The following PTK2 variants were observed in gnomAD, a reference collection of about 807,000 sequenced individuals.
The protein encoded by PTK2 is protein tyrosine kinase 2.
PTK2 carries 45 observed loss-of-function variants against 150.1 expected under a neutral mutation model. The ratio of observed to expected loss-of-function variants is 0.30; its 90% CI spans 0.24 to 0.38. PTK2 has a LOEUF of 0.38. Among genes scored for constraint, PTK2 ranks in the 10% least tolerant of loss-of-function variants. The pLI is 1.00. For synonymous variants in PTK2, 432 were observed against 449.2 expected (o/e 0.96, Z 0.48); for missense variants, 919 against 1,307.3 (o/e 0.70, Z 4.58).
At chr8:140,777,465 ATGAT>A (rs747064818) in intron 14 of PTK2, among the ~76,000 whole-genome samples, 9 of 152,256 alleles carry the variant, frequency 5.9e-5, no homozygotes, top group Non-Finnish European at 1.3e-4. Context: ...GATCTGCCTC[ATGAT>A]TCAAGCACCA....
chr8:140,806,081 C>G (rs2100098018), intron 10 of PTK2, among the ~76,000 whole-genome samples: 1 of 152,092 alleles, frequency 6.6e-6, no homozygotes, highest in South Asian at 2.1e-4. Context: ...ATGGGTAATT[C>G]CTGCACAATA....
At chr8:140,879,897 C>T (rs770938508) in intron 3 of PTK2, among the ~76,000 whole-genome samples, 12 of 151,976 alleles carry the variant, frequency 7.9e-5, no homozygotes, top group Non-Finnish European at 1.6e-4. Flanking sequence ...TAAAGAGATT[C>T]TCTCCTTTCT....
At position 140,920,723 on chromosome 8, in the gene PTK2, T is replaced by C. The variant is rs1568923700; in HGVS notation, c.-33+4938A>G. ...TTCCTTAAATTTAACTGTAAATATA[T>C]TGAAATAAATTCTGAAAAACATTTA... is the stretch of plus-strand genomic sequence containing the variant. On this transcript the variant is annotated intron_variant, in intron 2 of 31. Transcript: ENST00000522684. 13 of 1,196,450 alleles carry C rather than the reference T, an allele frequency of 1.1e-5. No individual in the cohort carries two copies. In the South Asian group the frequency reaches 2.1e-4, roughly 19 times the overall value. 74.1% of individuals were successfully genotyped at this position (1,196,450 alleles called of 1,614,324 possible). A position where few individuals can be genotyped will look rare whatever the true frequency, so the allele number is the denominator to read the frequency against.
chr8:140,777,746 G>A (rs1380935226), intron 14 of PTK2, among the ~76,000 whole-genome samples: 1 of 152,086 alleles, frequency 6.6e-6, no homozygotes, highest in Non-Finnish European at 1.5e-5. Flanking sequence ...CCTTCAAATG[G>A]GCTTATGCCA....
intron 1 of PTK2, among the ~76,000 whole-genome samples, chr8:140,937,943 C>T (rs1258773570): frequency 6.6e-6 from 1 of 152,122 alleles, no homozygotes; most frequent in Admixed American, 6.5e-5. Flanking sequence ...ACAAAAAGAA[C>T]ATGACCAAAA....
At chr8:140,845,349 A>G (rs2100124748) in intron 7 of PTK2, among the ~76,000 whole-genome samples, 1 of 151,800 alleles carries the variant, frequency 6.6e-6, no homozygotes, top group African/African-American at 2.4e-5. Context: ...TCTACCCCCA[A>G]CCAACTCAGT....
At chr8:140,882,187 T>G (rs1440411013) in intron 3 of PTK2, among the ~76,000 whole-genome samples, 1 of 152,204 alleles carries the variant, frequency 6.6e-6, no homozygotes. Flanking sequence ...TGCTTAAATA[T>G]GTGGTGCTAA....
intron 22 of PTK2, among the ~76,000 whole-genome samples, chr8:140,732,324 C>A (rs193003692): frequency 6.6e-6 from 1 of 152,306 alleles, no homozygotes; most frequent in African/African-American, 2.4e-5. Flanking sequence ...GAATGCTCAA[C>A]TACCTGTGCT....
intron 31 of PTK2, among the ~76,000 whole-genome samples, chr8:140,662,233 G>C (rs1023014189): frequency 6.6e-6 from 1 of 151,828 alleles, no homozygotes; most frequent in Admixed American, 6.6e-5. Flanking sequence ...GGAGTTGGAG[G>C]TTATAGTGAG....
intron 2 of PTK2, among the ~76,000 whole-genome samples, chr8:140,897,039 C>A (rs2100156587): frequency 6.6e-6 from 1 of 152,166 alleles, no homozygotes; most frequent in Non-Finnish European, 1.5e-5. Flanking sequence ...CAACTAAATT[C>A]ATAGTATCAA....
chr8:140,985,039 C>T (rs1484328012), intron 1 of PTK2, among the ~76,000 whole-genome samples: 1 of 152,236 alleles, frequency 6.6e-6, no homozygotes, highest in East Asian at 1.9e-4. Context: ...CCCAACACAA[C>T]TGTAATAACA....
chr8:140,956,118 C>A (rs1029049524), intron 1 of PTK2, among the ~76,000 whole-genome samples: 1 of 152,200 alleles, frequency 6.6e-6, no homozygotes, highest in Non-Finnish European at 1.5e-5. Context: ...GAACCTGATA[C>A]GTCTAAGAAG....
chr8:140,861,604 T>C (rs1241067242), intron 5 of PTK2, among the ~76,000 whole-genome samples: 1 of 152,196 alleles, frequency 6.6e-6, no homozygotes, highest in Non-Finnish European at 1.5e-5. Flanking sequence ...TGTTACTGTC[T>C]ACAGACTGAA....
chr8:140,820,068 T>C (rs2100107230), intron 8 of PTK2, among the ~76,000 whole-genome samples: 1 of 141,404 alleles, frequency 7.1e-6, no homozygotes, highest in Non-Finnish European at 1.5e-5. Flanking sequence ...TGACTTTATC[T>C]GACTTTGGTT....
At chr8:140,732,736 G>C (rs2100050290) in intron 22 of PTK2, 1 of 332,016 alleles carries the variant, frequency 3.0e-6, no homozygotes, top group Non-Finnish European at 6.1e-6. Flanking sequence ...GAACTGAATT[G>C]AACACGGGTT....
At chr8:140,717,556 T>C (rs1283554084) in intron 23 of PTK2, 42 bp downstream of exon 26, 2 of 1,467,240 alleles carry the variant, frequency 1.4e-6, no homozygotes, top group Non-Finnish European at 1.9e-6. Context: ...TCTTGAAAGT[T>C]AGTAAGAGTA....
At position 140,946,867 on chromosome 8, in the gene PTK2, T is replaced by C. The variant is rs370566331; in HGVS notation, c.-121-21118A>G. 2.0e-5 allele frequency among the ~76,000 whole-genome samples: 3 copies of C among 152,306 alleles called. No homozygotes were observed. The South Asian group carries it at 6.2e-4, about 32-fold the overall frequency. ...AGCAATTAGAACCATGCCAAGCACT[T>C]AGTAAAAGTTCAACAAACATTTCCT... On this transcript the variant is annotated intron_variant, in intron 1 of 31. Coordinates refer to ENST00000522684, the Ensembl canonical transcript of PTK2.
Position 140,962,876 on chromosome 8 carries a change from C to T in PTK2, c.-121-37127G>A, listed in dbSNP as rs575009175. Reference sequence around the variant, plus strand: ...CAAACTTCCTGGCCCTTGTAGGTCCCCCCCCCCAACCCAACCTACCTAGGC... The same window carrying T: ...CAAACTTCCTGGCCCTTGTAGGTCCTCCCCCCCAACCCAACCTACCTAGGC... On this transcript the variant is annotated intron_variant, in intron 1 of 31. Coordinates refer to ENST00000522684, the Ensembl canonical transcript of PTK2. Among the ~76,000 whole-genome samples, 6 of 151,846 alleles carry T rather than the reference C, an allele frequency of 4.0e-5. No homozygotes were observed. The South Asian group carries it at 1.3e-3, about 32-fold the overall frequency.
intron 25 of PTK2, 150 bp downstream of exon 28, chr8:140,702,420 T>C: frequency 1.0e-6 from 1 of 974,804 alleles, no homozygotes; most frequent in Admixed American, 2.4e-5. Context: ...GGTCTCGCTA[T>C]GTTGCCCAGT....
Sources: gnomAD v4.1 joint callset for allele counts (sites outside exome capture counted in the v4.1 genomes callset) on GRCh38, gnomAD v4.1.1 for gene constraint, MANE v1.5 for transcripts, NCBI Gene and HGNC (gene_info 2026-07-23, HGNC 2026-07-21) for gene names.